Variants in RND1 observed in about 807,000 individuals in gnomAD.
RND1 encodes the protein Rho family GTPase 1.
A neutral mutation model predicts 27.1 loss-of-function variants in RND1; 9 were observed. The observed-to-expected ratio is 0.33, with a 90% CI of 0.20 to 0.58. RND1 has a LOEUF of 0.58. Ranked by LOEUF, RND1 falls within the 20% of genes least tolerant of loss-of-function variation. The pLI, the probability that RND1 is intolerant of heterozygous loss-of-function variation, is 0.86. For missense variants in RND1, 253 were observed against 292.2 expected, an observed-to-expected ratio of 0.87 and a Z score of 0.98; for synonymous variants, 108 against 115.7, an observed-to-expected ratio of 0.93 and a Z score of 0.43.
intron 4 of RND1, among the ~76,000 whole-genome samples, chr12:48,859,956 T>G (rs1001748877): frequency 2.6e-5 from 4 of 152,130 alleles, no homozygotes; most frequent in African/African-American, 9.7e-5. Context: ...TTTTGTATTT[T>G]TTGTAGAGAC....
chr12:48,857,960 GA>G lies in RND1; in HGVS notation c.*35del, dbSNP rs1565682572. 3 of 1,556,592 alleles carry G rather than the reference GA, an allele frequency of 1.9e-6. No homozygotes were observed. Among genetic ancestry groups the G allele is most frequent in the Admixed American group, 3.8e-5 (2 of 52,830 alleles). On this transcript the variant is annotated 3_prime_UTR_variant, in exon 5 of 5. Coordinates refer to ENST00000309739, the MANE Select transcript of RND1 (RefSeq NM_014470.4). ...CCCGTGCCTCTGCACCCCAAGGGAGGAAGTAGGGGGTTGTCTCCCCCCTCCA... is the reference window on the plus strand; with the variant it reads ...CCCGTGCCTCTGCACCCCAAGGGAGGAGTAGGGGGTTGTCTCCCCCCTCCA...
intron 1 of RND1, 48 bp downstream of exon 1, chr12:48,865,600 C>G: frequency 6.4e-7 from 1 of 1,571,348 alleles, no homozygotes; most frequent in South Asian, 1.1e-5. Context: ...TACCCCAAGG[C>G]GGGCAGGCAG....
At chr12:48,864,384 G>GGTGTGTGTGTGT (rs539837491) in intron 2 of RND1, among the ~76,000 whole-genome samples, 137 of 141,784 alleles carry the variant, frequency 9.7e-4, no homozygotes, top group South Asian at 3.0e-3. Context: ...GGAAGTAAAA[G>GGTGTGTGTGTGT]GTGTGTGTGT....
chr12:48,863,077 T>C (rs1053627108), intron 2 of RND1, among the ~76,000 whole-genome samples: 1 of 151,974 alleles, frequency 6.6e-6, no homozygotes, highest in African/African-American at 2.4e-5. Flanking sequence ...GTCTTACCAC[T>C]GCAGCACTGA....
rs1160309542 is a variant in RND1 at position 48,861,229 on chromosome 12, ACATCACCTCACT to A, written c.319-110_319-99del. 6.9e-6 allele frequency: 8 copies of A among 1,165,862 alleles called. No homozygotes were observed. In the East Asian group the frequency reaches 1.2e-4, roughly 18 times the overall value. 72.2% of individuals were successfully genotyped at this position (1,165,862 alleles called of 1,614,324 possible). A position where few individuals can be genotyped will look rare whatever the true frequency, so the allele number is the denominator to read the frequency against. Reference sequence around the variant, plus strand: ...AGAAGCTTGGCTGGCAACGTCACACACATCACCTCACTCATCACCAGCCCAGTCCTCCCTCTG... The same window carrying A: ...AGAAGCTTGGCTGGCAACGTCACACACATCACCAGCCCAGTCCTCCCTCTG... On this transcript the variant is annotated intron_variant, in intron 3 of 4. Transcript: ENST00000309739.
At chr12:48,864,060 C>A (rs1938952359) in intron 2 of RND1, among the ~76,000 whole-genome samples, 3 of 152,136 alleles carry the variant, frequency 2.0e-5, no homozygotes, top group Admixed American at 2.0e-4. Context: ...TTCTACCTCA[C>A]CCCAGTAGAG....
Position 48,857,743 on chromosome 12 carries a change from G to T in RND1, c.*253C>A, listed in dbSNP as rs752856135. 28 of 358,024 alleles carry T rather than the reference G, an allele frequency of 7.8e-5. No individual in the cohort carries two copies. Among genetic ancestry groups the T allele is most frequent in the African/African-American group, 4.7e-4 (22 of 47,284 alleles). The allele number at this position is 358,024 out of a possible 1,614,324, so 22.2% of individuals were successfully genotyped here. On this transcript the variant is annotated 3_prime_UTR_variant, in exon 5 of 5. Coordinates refer to ENST00000309739, the MANE Select transcript of RND1 (RefSeq NM_014470.4). ...CACAGCTTTCCTTCCTCTGGAGCGG[G>T]GGGGGCACTGGGGTAGTCGCCCCCT...
chr12:48,857,236 C>A lies in RND1; in HGVS notation c.*760G>T, dbSNP rs536796947. 6.6e-6 allele frequency: 1 copy of A among 151,364 alleles called. No homozygotes were observed. The highest frequency in any genetic ancestry group is 2.4e-5 in the African/African-American group (1 of 41,026). The allele number at this position is 151,364 out of a possible 1,614,324, so 9.4% of individuals were successfully genotyped here. On this transcript the variant is annotated 3_prime_UTR_variant, in exon 5 of 5. Transcript: ENST00000309739. Reference sequence around the variant, plus strand: ...AGATTGAAACACTCCCCCCCTCCCCCCAATTCCAAAGACAAGAGTCTATAA... The same window carrying A: ...AGATTGAAACACTCCCCCCCTCCCCACAATTCCAAAGACAAGAGTCTATAA...
chr12:48,857,793 G>T lies in RND1; in HGVS notation c.*203C>A. The stretch of plus-strand genomic sequence containing the variant: ...TCCAAAATCTAGTGCCTGGCTTGGG[G>T]TATGATGGTTCTCTCTCAGCGTCAG... On this transcript the variant is annotated 3_prime_UTR_variant, in exon 5 of 5. Coordinates refer to ENST00000309739, the MANE Select transcript of RND1 (RefSeq NM_014470.4). The T allele has an allele frequency of 1.9e-6, 1 of 521,778 alleles. No homozygotes were observed. 32.3% of individuals were successfully genotyped at this position (521,778 alleles called of 1,614,324 possible).
At chr12:48,864,426 C>CGTGT (rs1252042749) in intron 2 of RND1, among the ~76,000 whole-genome samples, 3 of 139,876 alleles carry the variant, frequency 2.1e-5, no homozygotes, top group Non-Finnish European at 4.5e-5. Flanking sequence ...TGCGCGCGCG[C>CGTGT]GCGTGTGTGT....
intron 1 of RND1, chr12:48,865,402 T>C: frequency 1.9e-6 from 1 of 530,904 alleles, no homozygotes; most frequent in Non-Finnish European, 3.4e-6. Context: ...GTGGAGGGGA[T>C]CTGATGGGTC....
chr12:48,865,807 G>T lies in RND1; in HGVS notation c.-40C>A. ...CGGGACTTGAACTTCGATTCAGAAG[G>T]GAGGGTTGCGCCAGGTGCGTCTCAG... On this transcript the variant is annotated 5_prime_UTR_variant, in exon 1 of 5. Coordinates refer to ENST00000309739, the MANE Select transcript of RND1 (RefSeq NM_014470.4). 1 of 1,549,116 alleles carries T rather than the reference G, an allele frequency of 6.5e-7. No individual in the cohort carries two copies. Among genetic ancestry groups the T allele is most frequent in the South Asian group, 1.2e-5 (1 of 81,470 alleles).
At chr12:48,861,894 T>C in intron 3 of RND1, 115 bp downstream of exon 3, 1 of 724,380 alleles carries the variant, frequency 1.4e-6, no homozygotes, top group South Asian at 1.5e-5. Flanking sequence ...GGCAAATCTC[T>C]TCCTTCCCTG....
chr12:48,860,557 ATTTTTTTTTTTT>A (rs34655698), intron 4 of RND1, among the ~76,000 whole-genome samples: 2 of 70,648 alleles, frequency 2.8e-5, no homozygotes, highest in East Asian at 4.7e-4. Flanking sequence ...ACACCCAGCT[ATTTTTTTTTTTT>A]TTTTTTTTTT....
intron 2 of RND1, among the ~76,000 whole-genome samples, chr12:48,864,408 T>C (rs1437141658): frequency 4.1e-5 from 5 of 121,270 alleles, no homozygotes; most frequent in African/African-American, 1.6e-4. Context: ...TGTGTGTGTG[T>C]GTGTGTGTGC....
At position 48,861,538 on chromosome 12, in the gene RND1, T is replaced by C. The variant is rs113204373; in HGVS notation, c.319-407A>G. 1.0e-2 allele frequency among the ~76,000 whole-genome samples: 1,521 copies of C among 152,306 alleles called. 29 individuals are homozygous for C. The highest frequency in any genetic ancestry group is 0.035 in the African/African-American group (1,443 of 41,558). On this transcript the variant is annotated intron_variant, in intron 3 of 4. Coordinates refer to ENST00000309739, the MANE Select transcript of RND1 (RefSeq NM_014470.4). ...CATGATCCCAGCATCTTCTATACTA[T>C]GCTAGATACACAAGGTTTCCTAGGA...
At chr12:48,861,945 A>T in intron 3 of RND1, 64 bp downstream of exon 3, 1 of 943,782 alleles carries the variant, frequency 1.1e-6, no homozygotes, top group Non-Finnish European at 1.7e-6. Flanking sequence ...CATTCATGAC[A>T]AGGTCCCGAT....
chr12:48,864,758 G>C (rs371656679), intron 2 of RND1, 25 bp downstream of exon 2: 2 of 1,523,080 alleles, frequency 1.3e-6, no homozygotes, highest in Admixed American at 1.7e-5. Flanking sequence ...GGGTGGGAAA[G>C]GGGTATTTGG....
chr12:48,864,412 TGTGTGCGCGCGCGCGC>T lies in RND1; in HGVS notation c.208+355_208+370del, dbSNP rs1224000886. The stretch of plus-strand genomic sequence containing the variant: ...GTGTGTGTGTGTGTGTGTGTGTGTG[TGTGTGCGCGCGCGCGC>T]GTGTGTGTGCATGTGTGTACGCGTG... On this transcript the variant is annotated intron_variant, in intron 2 of 4. Transcript: ENST00000309739. 1.3e-4 allele frequency among the ~76,000 whole-genome samples: 15 copies of T among 112,294 alleles called. No individual in the cohort carries two copies. The East Asian group carries it at 3.8e-3, about 28-fold the overall frequency. 73.7% of individuals were successfully genotyped at this position (112,294 alleles called of 152,430 possible).
Sources: allele counts gnomAD v4.1 joint callset (sites outside exome capture counted in the v4.1 genomes callset), GRCh38; gene constraint gnomAD v4.1.1; transcripts MANE v1.5; gene names NCBI Gene and HGNC (gene_info 2026-07-23, HGNC 2026-07-21).